PARD3B: variants seen among roughly 807,000 people sequenced by gnomAD.
PARD3B encodes the protein par-3 family cell polarity regulator beta.
PARD3B carries 103 observed loss-of-function variants against 130.2 expected under a neutral mutation model. The observed-to-expected ratio is 0.79, with a 90% CI of 0.67 to 0.93. PARD3B has a LOEUF of 0.93. PARD3B is among the 40% of genes least tolerant of loss of function. PARD3B has a pLI of 0.00. For synonymous variants in PARD3B, 583 were observed against 553.2 expected, an observed-to-expected ratio of 1.05 and a Z score of -0.76; for missense variants, 1,609 against 1,499.2, an observed-to-expected ratio of 1.07 and a Z score of -1.21.
intron 15 of PARD3B, 92 bp downstream of exon 15, chr2:205,193,412 C>T (rs371534334): frequency 1.7e-5 from 16 of 952,454 alleles, no homozygotes; most frequent in South Asian, 8.9e-5. Context: ...TCAACTCAAA[C>T]CTCAGGGAAC....
At chr2:205,299,004 C>A (rs763673360) in intron 16 of PARD3B, among the ~76,000 whole-genome samples, 2 of 152,156 alleles carry the variant, frequency 1.3e-5, no homozygotes, top group Non-Finnish European at 2.9e-5. Flanking sequence ...AGTAGCACAA[C>A]TATAAGGATT....
At chr2:205,428,918 A>G (rs960645857) in intron 19 of PARD3B, among the ~76,000 whole-genome samples, 1 of 152,146 alleles carries the variant, frequency 6.6e-6, no homozygotes, top group African/African-American at 2.4e-5. Flanking sequence ...ATTCCCCACT[A>G]AAAACAAAGG....
intron 5 of PARD3B, among the ~76,000 whole-genome samples, chr2:205,108,783 G>A (rs1028299307): frequency 2.6e-5 from 4 of 152,082 alleles, no homozygotes; most frequent in Non-Finnish European, 5.9e-5. Context: ...GCTCTGGGGT[G>A]CAATAAATCA....
At chr2:204,810,505 A>T (rs1025843678) in intron 2 of PARD3B, among the ~76,000 whole-genome samples, 2 of 152,050 alleles carry the variant, frequency 1.3e-5, no homozygotes, top group African/African-American at 4.8e-5. Flanking sequence ...TTCTGCATCT[A>T]TTGTGCATCA....
chr2:204,627,595 A>G (rs1185746122), intron 1 of PARD3B, among the ~76,000 whole-genome samples: 1 of 152,108 alleles, frequency 6.6e-6, no homozygotes, highest in East Asian at 1.9e-4. Context: ...TACAGCACAC[A>G]CTATTTTGTG....
intron 2 of PARD3B, among the ~76,000 whole-genome samples, chr2:204,732,851 T>TA (rs907771152): frequency 2.0e-5 from 3 of 152,154 alleles, no homozygotes; most frequent in African/African-American, 7.2e-5. Flanking sequence ...CCTGATTTGA[T>TA]AAAAAAGAGT....
intron 22 of PARD3B, among the ~76,000 whole-genome samples, chr2:205,556,066 C>T (rs573562382): frequency 2.0e-5 from 3 of 152,216 alleles, no homozygotes; most frequent in South Asian, 4.2e-4. Context: ...AATTGAATCA[C>T]GCCAGCTCCA....
intron 4 of PARD3B, among the ~76,000 whole-genome samples, chr2:205,072,145 G>A (rs1300078022): frequency 6.6e-6 from 1 of 151,790 alleles, no homozygotes; most frequent in Admixed American, 6.6e-5. Context: ...ATAAATCATA[G>A]GCATTAAATA....
chr2:204,807,013 A>G (rs1218244634), intron 2 of PARD3B, among the ~76,000 whole-genome samples: 1 of 152,162 alleles, frequency 6.6e-6, no homozygotes, highest in African/African-American at 2.4e-5. Context: ...AGGCTTCACA[A>G]TTATTGCAGA....
chr2:205,350,520 T>A (rs1273726450), intron 18 of PARD3B, among the ~76,000 whole-genome samples: 1 of 152,224 alleles, frequency 6.6e-6, no homozygotes, highest in Non-Finnish European at 1.5e-5. Flanking sequence ...TCCCCGCCAT[T>A]CTCAAAGTAC....
intron 15 of PARD3B, among the ~76,000 whole-genome samples, chr2:205,196,393 G>T (rs190198726): frequency 1.1e-4 from 17 of 148,936 alleles, no homozygotes; most frequent in African/African-American, 3.2e-4. Context: ...TATAGCCTTT[G>T]CCACGTTACC....
At chr2:204,812,719 G>C (rs116458455) in intron 2 of PARD3B, among the ~76,000 whole-genome samples, 3 of 152,276 alleles carry the variant, frequency 2.0e-5, no homozygotes, top group Admixed American at 6.5e-5. Context: ...CCTAGTGCAC[G>C]TGCTACAGCC....
At chr2:204,684,496 CG>C (rs2036985814) in intron 1 of PARD3B, among the ~76,000 whole-genome samples, 1 of 152,084 alleles carries the variant, frequency 6.6e-6, no homozygotes, top group African/African-American at 2.4e-5. Flanking sequence ...ATGTTGCTTG[CG>C]GCATGGCCAT....
rs757166488 is a variant in PARD3B, at chr2:205,553,359, C to A, written c.3216C>A (p.Asn1072Lys). 1.9e-6 allele frequency: 3 copies of A among 1,614,058 alleles called. No homozygotes were observed. The South Asian group carries it at 3.3e-5, about 18-fold the overall frequency. The part of the protein sequence containing the change: ...PGRGPDGNAH[N>K]LRFEGMERQY... ...GGGGTCCAGATGGGAATGCACACAA[C>A]CTCCGCTTTGAAGGGATGGAGAGGC... The change falls in exon 22 of 23, where the codon AAC (asparagine) becomes AAA (lysine). Residue 1072 changes from asparagine (N) to lysine (K), a missense_variant. Transcript: ENST00000406610.
chr2:205,058,064 C>T (rs1477907545), intron 4 of PARD3B, among the ~76,000 whole-genome samples: 1 of 151,714 alleles, frequency 6.6e-6, no homozygotes, highest in Admixed American at 6.6e-5. Context: ...ACAGTAACTC[C>T]TTATTCCCTC....
At chr2:204,747,564 G>A (rs184314261) in intron 2 of PARD3B, among the ~76,000 whole-genome samples, 338 of 152,096 alleles carry the variant, frequency 2.2e-3, no homozygotes, top group African/African-American at 7.0e-3. Flanking sequence ...CTTTCTTCAC[G>A]TAATTGGAAA....
At chr2:204,895,182 A>G (rs1575237120) in intron 2 of PARD3B, among the ~76,000 whole-genome samples, 2 of 152,228 alleles carry the variant, frequency 1.3e-5, no homozygotes, top group Admixed American at 1.3e-4. Flanking sequence ...GACAAAAACT[A>G]GATTAGGAGG....
At chr2:205,448,288 C>G (rs779388537) in intron 20 of PARD3B, among the ~76,000 whole-genome samples, 3 of 152,196 alleles carry the variant, frequency 2.0e-5, no homozygotes, top group Non-Finnish European at 2.9e-5. Flanking sequence ...CAGAAAATCA[C>G]AGAAGTCAGT....
Position 204,965,140 on chromosome 2 carries a change from ATTTG to A in PARD3B, c.223-6_223-3del, listed in dbSNP as rs1167382757. 1 of 1,611,234 alleles carries A rather than the reference ATTTG, an allele frequency of 6.2e-7. No individual in the cohort carries two copies. The highest frequency in any genetic ancestry group is 1.7e-5 in the Admixed American group (1 of 59,706). On this transcript the variant is annotated splice_region_variant and splice_polypyrimidine_tract_variant and intron_variant, in intron 2 of 22. Transcript: ENST00000406610. ...CCTACAAAGTAATTAGTGTTGTTGGATTTGTTTGTAGCTGATTGCTGTGTTTGAA... is the reference window on the plus strand; with the variant it reads ...CCTACAAAGTAATTAGTGTTGTTGGATTTGTAGCTGATTGCTGTGTTTGAA...
Sources: allele counts gnomAD v4.1 joint callset (sites outside exome capture counted in the v4.1 genomes callset), GRCh38; gene constraint gnomAD v4.1.1; transcripts MANE v1.5; gene names NCBI Gene and HGNC (gene_info 2026-07-23, HGNC 2026-07-21).